ZNF451: variants seen among roughly 807,000 people sequenced by gnomAD.
The protein encoded by ZNF451 is E3 SUMO-protein ligase ZNF451.
A neutral mutation model predicts 107.1 loss-of-function variants in ZNF451; 80 were observed. The observed-to-expected ratio is 0.75, with a 90% CI of 0.62 to 0.90. The LOEUF (loss-of-function observed/expected upper bound fraction) is 0.90. Ranked by LOEUF, ZNF451 falls within the 40% of genes least tolerant of loss-of-function variation. ZNF451 has a pLI of 0.00. For synonymous variants in ZNF451, 362 were observed against 406.5 expected (o/e 0.89, Z 1.32); for missense variants, 1,107 against 1,236.2 (o/e 0.90, Z 1.57).
At chr6:57,107,591 A>G (rs774920118) in intron 3 of ZNF451, 3 of 985,282 alleles carry the variant, frequency 3.0e-6, no homozygotes, top group Non-Finnish European at 3.6e-6. Flanking sequence ...TGGATTTATT[A>G]TAATACAGCT....
chr6:57,102,147 A>G lies in ZNF451; in HGVS notation c.186+3006A>G, dbSNP rs531739820. Reference sequence around the variant, plus strand: ...AGTCATTCAAGATCCTAACTATTTTACTTGTTCCTCCTTGTACAAATAGGA... The same window carrying G: ...AGTCATTCAAGATCCTAACTATTTTGCTTGTTCCTCCTTGTACAAATAGGA... On this transcript the variant is annotated intron_variant, in intron 3 of 14. Transcript: ENST00000370706. 7 of 1,452,532 alleles carry G rather than the reference A, an allele frequency of 4.8e-6. No individual in the cohort carries two copies. The African/African-American group carries it at 1.0e-4, about 21-fold the overall frequency. 90.0% of individuals were successfully genotyped at this position (1,452,532 alleles called of 1,614,324 possible).
chr6:57,124,993 G>C, intron 4 of ZNF451, 134 bp downstream of exon 4: 1 of 437,426 alleles, frequency 2.3e-6, no homozygotes, highest in Non-Finnish European at 3.7e-6. Flanking sequence ...CATGAATTTA[G>C]TAGTAATTCA....
chr6:57,120,714 A>C (rs535099676), intron 3 of ZNF451, among the ~76,000 whole-genome samples: 1 of 152,066 alleles, frequency 6.6e-6, no homozygotes, highest in East Asian at 1.9e-4. Context: ...CTGTTTAGCT[A>C]TTTCCCCATT....
At chr6:57,166,256 G>A (rs1019799596) in intron 14 of ZNF451, among the ~76,000 whole-genome samples, 1 of 152,190 alleles carries the variant, frequency 6.6e-6, no homozygotes, top group African/African-American at 2.4e-5. Context: ...TCGAACTACT[G>A]ACCTCAGGTG....
intron 5 of ZNF451, among the ~76,000 whole-genome samples, chr6:57,132,171 C>T (rs998787008): frequency 1.3e-5 from 2 of 152,106 alleles, no homozygotes; most frequent in African/African-American, 4.8e-5. Flanking sequence ...ATAAGTAAAT[C>T]TCTGCTTTGT....
Position 57,148,046 on chromosome 6 carries a change from A to G in ZNF451, c.1961A>G (p.His654Arg), listed in dbSNP as rs377329071. ...PFHKIETLYR[H>R]CQDEHDNEIK... ...CATAAGATAGAAACATTGTACCGAC[A>G]TTGCCAAGATGAGCATGACAATGAG... Residue 654 changes from histidine to arginine, a missense_variant, in exon 10 of 15, where the codon CAT (histidine) becomes CGT (arginine). His to Arg is a conservative substitution (Grantham distance 29, BLOSUM62 0). Coordinates refer to ENST00000370706, the MANE Select transcript of ZNF451 (RefSeq NM_001031623.3). The G allele has an allele frequency of 6.2e-7, 1 of 1,614,116 alleles. No individual in the cohort carries two copies. Among genetic ancestry groups the G allele is most frequent in the Non-Finnish European group, 8.5e-7 (1 of 1,179,984 alleles).
At chr6:57,103,534 A>G (rs776722717) in intron 3 of ZNF451, 5 of 985,204 alleles carry the variant, frequency 5.1e-6, no homozygotes, top group African/African-American at 1.7e-5. Flanking sequence ...GATGTATGGT[A>G]TATCAGCCCT....
At chr6:57,162,577 T>A (rs963033772) in intron 14 of ZNF451, among the ~76,000 whole-genome samples, 61 of 152,332 alleles carry the variant, frequency 4.0e-4, no homozygotes, top group African/African-American at 1.4e-3. Context: ...ATGAAAGAAC[T>A]TTTGTGCGTT....
intron 3 of ZNF451, among the ~76,000 whole-genome samples, chr6:57,110,902 T>C (rs1053717377): frequency 1.3e-5 from 2 of 149,578 alleles, no homozygotes; most frequent in Non-Finnish European, 2.9e-5. Flanking sequence ...ACCTTTACCT[T>C]CTTTTTTTTT....
intron 9 of ZNF451, among the ~76,000 whole-genome samples, chr6:57,145,383 T>G (rs1360919598): frequency 6.6e-6 from 1 of 152,206 alleles, no homozygotes; most frequent in Non-Finnish European, 1.5e-5. Context: ...ATCTGGGCTT[T>G]TAATGTCACT....
intron 7 of ZNF451, among the ~76,000 whole-genome samples, chr6:57,138,704 CATATATATATATATATAT>C (rs60629541): frequency 4.6e-4 from 20 of 43,772 alleles, no homozygotes; most frequent in South Asian, 1.4e-3. Flanking sequence ...GCAGCTATGC[CATATATATATATATATAT>C]ATATATATAT....
chr6:57,111,740 G>C (rs1277239180), intron 3 of ZNF451, among the ~76,000 whole-genome samples: 2 of 152,276 alleles, frequency 1.3e-5, no homozygotes, highest in East Asian at 3.9e-4. Context: ...TGTACTGAAG[G>C]AGGATGTAAG....
chr6:57,093,843 C>T (rs1829163419), intron 2 of ZNF451, among the ~76,000 whole-genome samples: 1 of 152,174 alleles, frequency 6.6e-6, no homozygotes, highest in African/African-American at 2.4e-5. Flanking sequence ...CGGCATGGGC[C>T]AGGTAGTATA....
chr6:57,144,380 A>AT (rs1467409300), intron 9 of ZNF451, among the ~76,000 whole-genome samples: 4 of 151,318 alleles, frequency 2.6e-5, no homozygotes, highest in Admixed American at 6.6e-5. Context: ...ACCTGGGACT[A>AT]TAGGTGTGTG....
At chr6:57,104,123 A>G in intron 3 of ZNF451, 1 of 984,762 alleles carries the variant, frequency 1.0e-6, no homozygotes, top group Non-Finnish European at 1.2e-6. Context: ...TTTTATTTCC[A>G]CTTCTGTAGA....
At chr6:57,102,964 A>T (rs1345523214) in intron 3 of ZNF451, 2 of 985,302 alleles carry the variant, frequency 2.0e-6, no homozygotes, top group Non-Finnish European at 2.4e-6. Flanking sequence ...GAGTCATGGT[A>T]GTCTCTCACT....
chr6:57,100,709 G>C, intron 3 of ZNF451: 1 of 1,550,584 alleles, frequency 6.4e-7, no homozygotes, highest in Non-Finnish European at 8.7e-7. Flanking sequence ...TTCTCTGGGA[G>C]TTGTTCCAGC....
chr6:57,113,442 C>A (rs1408432704), intron 3 of ZNF451, among the ~76,000 whole-genome samples: 1 of 151,766 alleles, frequency 6.6e-6, no homozygotes, highest in Non-Finnish European at 1.5e-5. Context: ...CCATTAATTC[C>A]GCATTCCCTT....
At chr6:57,159,525 GTTT>G (rs369246650) in intron 13 of ZNF451, 143 of 135,434 alleles carry the variant, frequency 1.1e-3, no homozygotes, top group Non-Finnish European at 1.8e-3. Context: ...CATTATAAGA[GTTT>G]TTTTTTTTTT....
Sources: allele counts gnomAD v4.1 joint callset (sites outside exome capture counted in the v4.1 genomes callset), GRCh38; gene constraint gnomAD v4.1.1; transcripts MANE v1.5; gene names NCBI Gene and HGNC (gene_info 2026-07-23, HGNC 2026-07-21).